The following REPS2 variants were observed in gnomAD, a reference collection of about 807,000 sequenced individuals.
REPS2 encodes ralBP1-associated Eps domain-containing protein 2.
Under a neutral mutation model 53.6 loss-of-function variants are expected in REPS2, and 23 were observed. That is an observed-to-expected ratio of 0.43 (90% CI 0.31 to 0.61). The LOEUF is 0.61. Ranked by LOEUF, REPS2 falls within the 20% of genes least tolerant of loss-of-function variation. The pLI, the probability that REPS2 is intolerant of heterozygous loss-of-function variation, is 0.11. For missense variants in REPS2, 446 were observed against 534.9 expected (o/e 0.83, Z 1.64); for synonymous variants, 238 against 218.6 (o/e 1.09, Z -0.78).
intron 16 of REPS2, chrX:17,137,371 G>A (rs1237765249): frequency 9.0e-6 from 1 of 111,494 alleles, no homozygotes; most frequent in East Asian, 2.8e-4. Flanking sequence ...TTCTTTTGTG[G>A]CTAACGACAT....
rs2063352972 is a variant in REPS2, at chrX:17,135,421, TA to T, written c.1808+18del. On this transcript the variant is annotated intron_variant, in intron 16 of 17. Coordinates refer to ENST00000357277, the MANE Select transcript of REPS2 (RefSeq NM_004726.3). ...ACAGTCCAAAAGTAAGTAGACCACA[TA>T]AACAAGAGTGAGGTAGGAATCTCGC... The T allele has an allele frequency of 1.7e-6, 2 of 1,194,969 alleles. No individual in the cohort carries two copies. Among genetic ancestry groups the T allele is most frequent in the African/African-American group, 1.8e-5 (1 of 56,098 alleles).
rs776385444 is a variant in REPS2 at position 16,947,083 on chromosome X, C to G, written c.222C>G (p.Pro74=). 2.8e-6 allele frequency: 3 copies of G among 1,087,976 alleles called. No individual in the cohort carries two copies. Among genetic ancestry groups the G allele is most frequent in the Non-Finnish European group, 2.4e-6 (2 of 839,751 alleles). The allele number at this position is 1,087,976 out of a possible 1,213,427, so 89.7% of individuals were successfully genotyped here. ...GCACGGCCACTGCGGCCGCCGGCCCCGTGGCTGACCTGTTTCGGGCATCGC... is the reference window on the plus strand; with the variant it reads ...GCACGGCCACTGCGGCCGCCGGCCCGGTGGCTGACCTGTTTCGGGCATCGC... The part of the protein sequence containing the change: ...APGTATAAAG[P]VADLFRASQL... The change falls in exon 1 of 18, where the codon CCC becomes CCG. Residue 74 remains proline (P), a synonymous_variant. Coordinates refer to ENST00000357277, the MANE Select transcript of REPS2 (RefSeq NM_004726.3).
chrX:17,133,381 T>C (rs1341786406), intron 14 of REPS2, among the ~76,000 whole-genome samples: 4 of 111,993 alleles, frequency 3.6e-5, no homozygotes, highest in Non-Finnish European at 5.6e-5. Context: ...TTCTTACCTC[T>C]TCTTCTTCAC....
At chrX:17,167,971 A>AC in the REPS2 span, among the ~76,000 whole-genome samples, 1 of 111,548 alleles carries the variant, frequency 9.0e-6, no homozygotes, top group African/African-American at 3.3e-5. Context: ...TTTACTTCCA[A>AC]CAAGATATCA....
At position 16,951,559 on chromosome X, in the gene REPS2, A is replaced by ACACACACACACCC. The variant is rs879259718; in HGVS notation, c.273+4426_273+4427insACACACACACCCC. Among the ~76,000 whole-genome samples, 74 of 37,504 alleles carry ACACACACACACCC rather than the reference A, an allele frequency of 2.0e-3. 1 individual carries two copies. The highest frequency in any genetic ancestry group is 0.011 in the South Asian group (5 of 445). The allele number at this position is 37,504 out of a possible 115,157, so 32.6% of individuals were successfully genotyped here. On this transcript the variant is annotated intron_variant, in intron 1 of 17. Transcript: ENST00000357277. ...CACACACACACACACACACACACACACCCCCGCTACCTACCTCTCTCTGGG... is the reference window on the plus strand; with the variant it reads ...CACACACACACACACACACACACACACACACACACACCCCCCCCGCTACCTACCTCTCTCTGGG...
chrX:17,077,987 G>A (rs1028566841), intron 13 of REPS2, among the ~76,000 whole-genome samples: 1 of 112,303 alleles, frequency 8.9e-6, no homozygotes, highest in Non-Finnish European at 1.9e-5. Context: ...TCTTGAGCCC[G>A]CAGTTGTGTA....
At chrX:17,058,037 T>C (rs768653061) in intron 8 of REPS2, among the ~76,000 whole-genome samples, 50 of 112,566 alleles carry the variant, frequency 4.4e-4, no homozygotes, top group African/African-American at 1.6e-3. Context: ...TTGGGGGTCA[T>C]GACTAGTACT....
chrX:17,029,623 G>A lies in REPS2; in HGVS notation c.771G>A (p.Arg257=), dbSNP rs574566967. ...TTCGGCATCAGGCTTCCCTTATCCG[G>A]GTAAGTGATGATGCAGGGTTATGCC... ...KPLRHQASLI[R]SFSVERELQD... The change falls in exon 5 of 18, where the codon CGG becomes CGA. Residue 257 remains arginine, a splice_region_variant and synonymous_variant. Transcript: ENST00000357277. 6.7e-5 allele frequency: 80 copies of A among 1,186,962 alleles called. No homozygotes were observed. The highest frequency in any genetic ancestry group is 8.6e-5 in the Non-Finnish European group (75 of 874,527).
intron 13 of REPS2, among the ~76,000 whole-genome samples, chrX:17,094,820 C>T (rs1339407188): frequency 3.6e-5 from 4 of 111,409 alleles, no homozygotes; most frequent in Non-Finnish European, 7.5e-5. Flanking sequence ...TGTCTCTTTT[C>T]TCAGTAGAAT....
the REPS2 span, among the ~76,000 whole-genome samples, chrX:17,167,817 C>T: frequency 2.7e-5 from 3 of 109,612 alleles, no homozygotes; most frequent in Non-Finnish European, 5.7e-5. Flanking sequence ...AAACTTCTAT[C>T]CAATGTGGCT....
intron 13 of REPS2, among the ~76,000 whole-genome samples, chrX:17,093,202 T>A (rs199875461): frequency 4.6e-3 from 60 of 13,150 alleles, no homozygotes; most frequent in South Asian, 0.023. Flanking sequence ...ATATATATAA[T>A]TTTTTTTTTG....
chrX:16,951,551 ACACACACAC>A (rs757400042), intron 1 of REPS2, among the ~76,000 whole-genome samples: 1,003 of 30,956 alleles, frequency 0.032, 25 homozygotes, highest in East Asian at 0.24. Context: ...ACACACACAC[ACACACACAC>A]CCCCGCTACC....
chrX:16,980,389 G>A (rs1488229786), intron 1 of REPS2, among the ~76,000 whole-genome samples: 5 of 110,749 alleles, frequency 4.5e-5, no homozygotes, highest in Non-Finnish European at 7.6e-5. Flanking sequence ...TGCAACCTCC[G>A]CCTCCCAGGT....
At chrX:16,957,129 G>T (rs1277119871) in intron 1 of REPS2, among the ~76,000 whole-genome samples, 1 of 112,233 alleles carries the variant, frequency 8.9e-6, no homozygotes, top group Non-Finnish European at 1.9e-5. Flanking sequence ...GTTGTTTTTG[G>T]CCAAGTGTGG....
At chrX:17,039,576 A>G (rs887463293) in intron 5 of REPS2, among the ~76,000 whole-genome samples, 1 of 112,458 alleles carries the variant, frequency 8.9e-6, no homozygotes, top group Non-Finnish European at 1.9e-5. Flanking sequence ...CAGATCCTCA[A>G]TCTGCAAAAT....
At chrX:17,188,505 A>T in the REPS2 span, among the ~76,000 whole-genome samples, 2 of 112,249 alleles carry the variant, frequency 1.8e-5, no homozygotes, top group East Asian at 5.6e-4. Context: ...ACTTTCCTAA[A>T]CATGTCCAAA....
chrX:17,139,743 G>A (rs916927303), intron 17 of REPS2, among the ~76,000 whole-genome samples: 2 of 110,605 alleles, frequency 1.8e-5, no homozygotes, highest in Non-Finnish European at 3.8e-5. Context: ...TTGTAGCTGC[G>A]TCACTCCAAT....
At chrX:17,104,948 AG>A (rs1167208539) in intron 14 of REPS2, among the ~76,000 whole-genome samples, 1 of 111,823 alleles carries the variant, frequency 8.9e-6, no homozygotes, top group Non-Finnish European at 1.9e-5. Flanking sequence ...CCAATAAATC[AG>A]GCATTGTGCT....
At position 17,060,880 on chromosome X, in the gene REPS2, A is replaced by C. The variant is rs1283494470; in HGVS notation, c.1115-1558A>C. Among the ~76,000 whole-genome samples, 3 of 111,584 alleles carry C rather than the reference A, an allele frequency of 2.7e-5. No homozygotes were observed. In the Admixed American group the frequency reaches 2.9e-4, roughly 11 times the overall value. ...AATGATCATGCAGGTTACTGTCCAG[A>C]GAACAGGTTTTGAGGGGCACGGGTA... is the stretch of plus-strand genomic sequence containing the variant. On this transcript the variant is annotated intron_variant, in intron 8 of 17. Coordinates refer to ENST00000357277, the MANE Select transcript of REPS2 (RefSeq NM_004726.3).
Sources: gnomAD v4.1 joint callset for allele counts (sites outside exome capture counted in the v4.1 genomes callset) on GRCh38, gnomAD v4.1.1 for gene constraint, MANE v1.5 for transcripts, NCBI Gene and HGNC (gene_info 2026-07-23, HGNC 2026-07-21) for gene names.